Variants in NCAM1 observed in about 807,000 individuals in gnomAD.
The protein encoded by NCAM1 is neural cell adhesion molecule 1.
In NCAM1, 14 loss-of-function variants were observed where a neutral mutation model predicts 109.8. The ratio of observed to expected loss-of-function variants is 0.13; its 90% CI spans 0.08 to 0.20. The LOEUF is 0.20. Among genes scored for constraint, NCAM1 ranks in the 10% least tolerant of loss-of-function variants. The pLI is 1.00. For synonymous variants in NCAM1, 418 were observed against 442.9 expected, an observed-to-expected ratio of 0.94 and a Z score of 0.70; for missense variants, 774 against 1,109.9, an observed-to-expected ratio of 0.70 and a Z score of 4.30.
chr11:113,010,689 C>T (rs1383595084), intron 1 of NCAM1, among the ~76,000 whole-genome samples: 10 of 152,028 alleles, frequency 6.6e-5, no homozygotes, highest in African/African-American at 2.4e-4. Flanking sequence ...GGCGAGAGTA[C>T]CAAGTATTTA....
At chr11:113,152,992 T>C (rs1281848026) in intron 1 of NCAM1, among the ~76,000 whole-genome samples, 1 of 152,194 alleles carries the variant, frequency 6.6e-6, no homozygotes, top group Non-Finnish European at 1.5e-5. Flanking sequence ...ACAGATTCAA[T>C]TGCTGGTAGT....
chr11:113,042,911 T>C (rs1284905060), intron 1 of NCAM1, among the ~76,000 whole-genome samples: 1 of 152,332 alleles, frequency 6.6e-6, no homozygotes, highest in African/African-American at 2.4e-5. Context: ...TCATCACTAC[T>C]TAGATTAGTG....
At chr11:113,049,815 T>C (rs950979034) in intron 1 of NCAM1, among the ~76,000 whole-genome samples, 1 of 152,194 alleles carries the variant, frequency 6.6e-6, no homozygotes, top group African/African-American at 2.4e-5. Flanking sequence ...ACTAAACAGC[T>C]GTGTGTCTGT....
chr11:113,180,202 G>A (rs577778161), intron 1 of NCAM1, among the ~76,000 whole-genome samples: 1 of 152,326 alleles, frequency 6.6e-6, no homozygotes, highest in African/African-American at 2.4e-5. Flanking sequence ...CTGGGCACAG[G>A]TATGACTGAG....
rs1938354344 is a variant in NCAM1 at position 113,072,970 on chromosome 11, T to C, written c.52+111306T>C. Reference sequence around the variant, plus strand: ...ACTACCATCCATCTCCGGAATTCTTTTCATTTTGTAAAACCAAAACTCTAT... The same window carrying C: ...ACTACCATCCATCTCCGGAATTCTTCTCATTTTGTAAAACCAAAACTCTAT... On this transcript the variant is annotated intron_variant, in intron 1 of 19. Coordinates refer to ENST00000316851, the MANE Select transcript of NCAM1 (RefSeq NM_181351.5). Among the ~76,000 whole-genome samples, 3 of 152,288 alleles carry C rather than the reference T, an allele frequency of 2.0e-5. No homozygotes were observed. In the Middle Eastern group the frequency reaches 0.01, roughly 518 times the overall value.
At chr11:112,971,446 G>T (rs12277702) in intron 1 of NCAM1, among the ~76,000 whole-genome samples, 2 of 152,058 alleles carry the variant, frequency 1.3e-5, no homozygotes, top group African/African-American at 4.8e-5. Context: ...GGGTTGTGAG[G>T]GTGGGGAGGA....
At chr11:112,976,311 C>T (rs370728912) in intron 1 of NCAM1, among the ~76,000 whole-genome samples, 18 of 151,846 alleles carry the variant, frequency 1.2e-4, no homozygotes, top group African/African-American at 4.1e-4. Context: ...ATGATGAGTT[C>T]CACTGTGAGT....
chr11:112,989,097 T>C (rs1405520925), intron 1 of NCAM1, among the ~76,000 whole-genome samples: 2 of 152,152 alleles, frequency 1.3e-5, no homozygotes, highest in Non-Finnish European at 1.5e-5. Context: ...CTTCTTTGGA[T>C]TGATCTTGAC....
chr11:112,997,586 G>T (rs968637226), intron 1 of NCAM1, among the ~76,000 whole-genome samples: 4 of 152,060 alleles, frequency 2.6e-5, no homozygotes, highest in Non-Finnish European at 5.9e-5. Context: ...TGAATAGTAT[G>T]ATTTAATTTA....
At chr11:113,103,996 G>A (rs1009101858) in intron 1 of NCAM1, among the ~76,000 whole-genome samples, 1 of 151,774 alleles carries the variant, frequency 6.6e-6, no homozygotes, top group Non-Finnish European at 1.5e-5. Context: ...ACAGGCAGTG[G>A]GCAGATTCAG....
At chr11:113,025,806 A>AGG (rs1302294440) in intron 1 of NCAM1, among the ~76,000 whole-genome samples, 22 of 127,188 alleles carry the variant, frequency 1.7e-4, no homozygotes, top group Non-Finnish European at 5.1e-5. Context: ...AGAGAGAGAG[A>AGG]GAGAGAGAGA....
In NCAM1 at chr11:113,233,341, C is replaced by T. The variant is rs1235967600; in HGVS notation, c.1693+24C>T. On this transcript the variant is annotated intron_variant, in intron 13 of 19. Coordinates refer to ENST00000316851, the MANE Select transcript of NCAM1 (RefSeq NM_181351.5). This position sits in a 1 kb window ranked among gnomAD's most constrained non-coding sequence, Gnocchi z 4.5. ...AGGTGAGTTGGGCGAGTTGGTGTTT[C>T]CATTGGGATCATGAGTGCCTCAGTA... 9.4e-6 allele frequency: 15 copies of T among 1,603,498 alleles called. No individual in the cohort carries two copies. The highest frequency in any genetic ancestry group is 1.2e-5 in the Non-Finnish European group (14 of 1,174,866).
In NCAM1 at chr11:113,001,803, TA is replaced by T. The variant is rs563878141; in HGVS notation, c.52+40149del. Among the ~76,000 whole-genome samples, 133 of 148,648 alleles carry T rather than the reference TA, an allele frequency of 8.9e-4. 2 individuals are homozygous for T. The East Asian group carries it at 0.023, about 25-fold the overall frequency. On this transcript the variant is annotated intron_variant, in intron 1 of 19. Coordinates refer to ENST00000316851, the MANE Select transcript of NCAM1 (RefSeq NM_181351.5). Reference sequence around the variant, plus strand: ...CTCAGACTTTATTGGCTCATTTAGATAAAAAAAAAACTCCAGTGGTGAGGTG... The same window carrying T: ...CTCAGACTTTATTGGCTCATTTAGATAAAAAAAAACTCCAGTGGTGAGGTG...
At chr11:113,200,135 A>G (rs1018342298) in intron 1 of NCAM1, among the ~76,000 whole-genome samples, 4 of 152,156 alleles carry the variant, frequency 2.6e-5, no homozygotes, top group African/African-American at 9.7e-5. Context: ...GGCTGCTAAT[A>G]CTCAGCATAT....
intron 1 of NCAM1, among the ~76,000 whole-genome samples, chr11:113,170,594 G>A (rs1555106033): frequency 6.6e-6 from 1 of 152,212 alleles, no homozygotes; most frequent in African/African-American, 2.4e-5. Flanking sequence ...AGGGAGGGAA[G>A]TGAAGGAAGA....
intron 1 of NCAM1, 74 bp downstream of exon 1, chr11:112,961,738 T>C: frequency 1.0e-6 from 1 of 983,320 alleles, no homozygotes; most frequent in East Asian, 2.6e-5. Flanking sequence ...GGAGGAACGC[T>C]ATTATTTTGG....
intron 1 of NCAM1, among the ~76,000 whole-genome samples, chr11:112,974,252 A>G (rs1409111764): frequency 2.0e-5 from 3 of 152,202 alleles, no homozygotes; most frequent in South Asian, 4.1e-4. Flanking sequence ...TGAGGAGTTC[A>G]TAACATTTCT....
chr11:113,004,968 C>G (rs1366820210), intron 1 of NCAM1, among the ~76,000 whole-genome samples: 1 of 151,882 alleles, frequency 6.6e-6, no homozygotes, highest in Non-Finnish European at 1.5e-5. Context: ...GAAGGGATGT[C>G]TTTCAACTCC....
At chr11:113,091,448 A>G (rs543680534) in intron 1 of NCAM1, among the ~76,000 whole-genome samples, 2 of 152,318 alleles carry the variant, frequency 1.3e-5, no homozygotes, top group Non-Finnish European at 2.9e-5. Flanking sequence ...CTATTGTTAT[A>G]TCCTTGGAAA....
Sources: gnomAD v4.1 joint callset for allele counts (sites outside exome capture counted in the v4.1 genomes callset) on GRCh38, gnomAD v4.1.1 for gene constraint, Gnocchi (gnomAD v3.1) non-coding constraint, MANE v1.5 for transcripts, NCBI Gene and HGNC (gene_info 2026-07-23, HGNC 2026-07-21) for gene names.